The following AEBP2 variants were observed in gnomAD, a reference collection of about 807,000 sequenced individuals.
The protein encoded by AEBP2 is AE binding protein 2.
A neutral mutation model predicts 50.8 loss-of-function variants in AEBP2; 10 were observed. The ratio of observed to expected loss-of-function variants is 0.20; its 90% confidence interval spans 0.12 to 0.33. The LOEUF is 0.33. Among genes scored for constraint, AEBP2 ranks in the 10% least tolerant of loss-of-function variants. AEBP2 has a pLI of 1.00. For missense variants in AEBP2, 570 were observed against 688.0 expected, an observed-to-expected ratio of 0.83 and a Z score of 1.92; for synonymous variants, 296 against 261.3, an observed-to-expected ratio of 1.13 and a Z score of -1.28.
At chr12:19,513,853 G>GT (rs1949273187) in intron 6 of AEBP2, among the ~76,000 whole-genome samples, 1 of 146,022 alleles carries the variant, frequency 6.8e-6, no homozygotes, top group African/African-American at 2.5e-5. Flanking sequence ...TTTTCTTGTA[G>GT]AGTTGAATTT....
chr12:19,440,681 C>T (rs940058572), intron 1 of AEBP2: 104 of 1,533,090 alleles, frequency 6.8e-5, no homozygotes, highest in Non-Finnish European at 8.9e-5. Context: ...CCCAGATCCT[C>T]TGGCGGAGCA....
chr12:19,454,709 T>TA (rs1948234861), intron 1 of AEBP2, among the ~76,000 whole-genome samples: 1 of 152,134 alleles, frequency 6.6e-6, no homozygotes, highest in South Asian at 2.1e-4. Flanking sequence ...TGGCGGCACA[T>TA]ACACTAAAAA....
Position 19,440,217 on chromosome 12 carries a change from G to T in AEBP2, c.518G>T (p.Gly173Val). 6.8e-7 allele frequency: 1 copy of T among 1,464,680 alleles called. No individual in the cohort carries two copies. The allele number at this position is 1,464,680 out of a possible 1,614,324, so 90.7% of individuals were successfully genotyped here. The change falls in exon 1 of 8, where the codon GGC becomes GTC. Residue 173 changes from glycine to valine, a missense_variant. Gly to Val is a moderately radical substitution (Grantham distance 109). This residue lies in a region of AEBP2 where 386 missense variants were observed against 336.8 expected (regional missense o/e 1.15). Transcript: ENST00000266508. ...CGGGGCAGCCAGGGCGGCGGCGGGG[G>T]CGGCAGCAGTAGCAGCAGCGTAGTC... ...GPRGSQGGGG[G>V]GSSSSSVVSS...
chr12:19,465,564 T>G (rs59593021), intron 2 of AEBP2, among the ~76,000 whole-genome samples: 65,740 of 151,810 alleles, frequency 0.43, 15,240 homozygotes, highest in Non-Finnish European at 0.54. Flanking sequence ...GACTATGGTT[T>G]GTTTGTTTGT....
intron 1 of AEBP2, among the ~76,000 whole-genome samples, chr12:19,418,324 A>G (rs1361189927): frequency 3.3e-5 from 5 of 151,364 alleles, no homozygotes; most frequent in African/African-American, 1.2e-4. Flanking sequence ...TCCTGGGTTC[A>G]AGTGATCCTC....
intron 6 of AEBP2, among the ~76,000 whole-genome samples, chr12:19,514,321 A>T (rs768393581): frequency 7.2e-5 from 11 of 152,108 alleles, no homozygotes; most frequent in Non-Finnish European, 1.6e-4. Context: ...CTCTTAGTAA[A>T]GAAACTTGCT....
intron 2 of AEBP2, among the ~76,000 whole-genome samples, 160 bp from the exon 3 acceptor site, chr12:19,473,088 T>C (rs909519177): frequency 6.6e-6 from 1 of 152,118 alleles, no homozygotes; most frequent in African/African-American, 2.4e-5. Flanking sequence ...TATACTAGGA[T>C]GTTTTGACAG....
chr12:19,471,057 C>T (rs1170735983), intron 2 of AEBP2, among the ~76,000 whole-genome samples: 1 of 147,230 alleles, frequency 6.8e-6, no homozygotes. Context: ...TTAAACCAAC[C>T]CCTGATTCCT....
In AEBP2 at chr12:19,458,835, G is replaced by A. The variant is rs539740186; in HGVS notation, c.672-3675G>A. 1.8e-4 allele frequency among the ~76,000 whole-genome samples: 27 copies of A among 152,270 alleles called. No individual in the cohort carries two copies. The East Asian group carries it at 4.6e-3, about 26-fold the overall frequency. On this transcript the variant is annotated intron_variant, in intron 1 of 7. Transcript: ENST00000266508. ...GTATAAAAGGGTATATACAGTGAAAGATAAGTTTCTCTCCCACTCTTCCCT... is the reference window on the plus strand; with the variant it reads ...GTATAAAAGGGTATATACAGTGAAAAATAAGTTTCTCTCCCACTCTTCCCT...
intron 3 of AEBP2, among the ~76,000 whole-genome samples, chr12:19,484,103 A>G (rs1256681986): frequency 2.6e-5 from 4 of 152,060 alleles, no homozygotes; most frequent in African/African-American, 9.7e-5. Context: ...GTTGGGATAC[A>G]GAGTTTGGCT....
intron 3 of AEBP2, among the ~76,000 whole-genome samples, chr12:19,479,441 T>C (rs1023743676): frequency 6.6e-6 from 1 of 152,082 alleles, no homozygotes; most frequent in Non-Finnish European, 1.5e-5. Context: ...TACAAGAAGC[T>C]CAAAGAACAG....
intron 3 of AEBP2, among the ~76,000 whole-genome samples, chr12:19,489,311 A>T (rs1249020263): frequency 6.6e-6 from 1 of 152,240 alleles, no homozygotes; most frequent in Admixed American, 6.5e-5. Flanking sequence ...TCTTCTTCAC[A>T]AGGTGGTGGC....
chr12:19,518,357 G>A lies in AEBP2; in HGVS notation c.*240G>A. The A allele has an allele frequency of 8.1e-7, 1 of 1,236,224 alleles. No homozygotes were observed. Among genetic ancestry groups the A allele is most frequent in the Non-Finnish European group, 1.0e-6 (1 of 988,814 alleles). 76.6% of individuals were successfully genotyped at this position (1,236,224 alleles called of 1,614,324 possible). On this transcript the variant is annotated 3_prime_UTR_variant, in exon 8 of 8. Transcript: ENST00000266508. ...ATCCACATTTTCATGGAATGGTACT[G>A]TGGGAGACTGAGCAAACACTCTTTT...
At chr12:19,450,192 C>T (rs1402214316) in intron 1 of AEBP2, among the ~76,000 whole-genome samples, 4 of 151,934 alleles carry the variant, frequency 2.6e-5, no homozygotes, top group Non-Finnish European at 4.4e-5. Context: ...CTTTGTCCTT[C>T]GTAAGTAGAA....
At chr12:19,490,950 CA>C (rs1361820803) in intron 3 of AEBP2, among the ~76,000 whole-genome samples, 2 of 152,104 alleles carry the variant, frequency 1.3e-5, no homozygotes, top group East Asian at 3.8e-4. Context: ...TGTACACTTT[CA>C]AATGGTTAAT....
At position 19,519,846 on chromosome 12, in the gene AEBP2, TAAGTG is replaced by T. The variant is rs1262540144; in HGVS notation, c.*1735_*1739del. 5 of 152,508 alleles carry T rather than the reference TAAGTG, an allele frequency of 3.3e-5. No homozygotes were observed. The East Asian group carries it at 9.6e-4, about 29-fold the overall frequency. The allele number at this position is 152,508 out of a possible 1,614,324, so 9.4% of individuals were successfully genotyped here. A position where few individuals can be genotyped will look rare whatever the true frequency, so the allele number is the denominator to read the frequency against. ...TACATGAAAATGAGTCTTATAAAAT[TAAGTG>T]AAGTGCAAATAAAAGCACTGCTACT... On this transcript the variant is annotated 3_prime_UTR_variant, in exon 8 of 8. Coordinates refer to ENST00000266508, the MANE Select transcript of AEBP2 (RefSeq NM_153207.5).
intron 3 of AEBP2, among the ~76,000 whole-genome samples, chr12:19,482,033 A>G (rs1948737503): frequency 6.6e-6 from 1 of 152,186 alleles, no homozygotes; most frequent in Non-Finnish European, 1.5e-5. Flanking sequence ...GTTTTGTCAT[A>G]TTACCAGAAT....
At chr12:19,450,883 G>A (rs1738206465) in intron 1 of AEBP2, among the ~76,000 whole-genome samples, 1 of 150,196 alleles carries the variant, frequency 6.7e-6, no homozygotes, top group Non-Finnish European at 1.5e-5. Context: ...TTGCACTAAA[G>A]GAGTATTAGT....
At chr12:19,468,958 T>C (rs1592743911) in intron 2 of AEBP2, among the ~76,000 whole-genome samples, 1 of 152,336 alleles carries the variant, frequency 6.6e-6, no homozygotes, top group Middle Eastern at 3.4e-3. Flanking sequence ...GGGGTCTCAC[T>C]CTGTCACCCA....
Sources: gnomAD v4.1 joint callset for allele counts (sites outside exome capture counted in the v4.1 genomes callset) on GRCh38, gnomAD v4.1.1 for gene constraint, gnomAD v4.1.1 regional missense constraint, MANE v1.5 for transcripts, NCBI Gene and HGNC (gene_info 2026-07-23, HGNC 2026-07-21) for gene names.